The following REDIC1 variants were observed in gnomAD, a reference collection of about 807,000 sequenced individuals.
REDIC1 encodes regulator of DNA class I crossover intermediates 1, also known as HEI10 Interacting Protein 1.
At chr12:39,845,986 T>C in the REDIC1 span, among the ~76,000 whole-genome samples, 2 of 152,152 alleles carry the variant, frequency 1.3e-5, no homozygotes, top group Non-Finnish European at 2.9e-5. Context: ...TACTCCAATT[T>C]GCCTAAAGGG....
chr12:39,750,128 G>T, the REDIC1 span, among the ~76,000 whole-genome samples: 2 of 152,208 alleles, frequency 1.3e-5, no homozygotes, highest in Non-Finnish European at 1.5e-5. Context: ...AAGTCAAATT[G>T]TCCCTGTTTG....
At chr12:39,714,073 G>GTATATATATATATGTACA in the REDIC1 span, among the ~76,000 whole-genome samples, 1 of 147,818 alleles carries the variant, frequency 6.8e-6, no homozygotes, top group Non-Finnish European at 1.5e-5. Flanking sequence ...GTGTATATAC[G>GTATATATATATATGTACA]TGTATATACA....
At chr12:39,741,278 A>T in the REDIC1 span, among the ~76,000 whole-genome samples, 1 of 152,208 alleles carries the variant, frequency 6.6e-6, no homozygotes, top group African/African-American at 2.4e-5. Context: ...CAAACTGGAC[A>T]TGGGTCAGTT....
chr12:39,683,572 G>A, the REDIC1 span: 30 of 1,100,958 alleles, frequency 2.7e-5, no homozygotes, highest in African/African-American at 1.1e-4. Flanking sequence ...TGAGGTAGGC[G>A]TATTGCCATT....
At chr12:39,737,679 C>A in the REDIC1 span, among the ~76,000 whole-genome samples, 1 of 152,186 alleles carries the variant, frequency 6.6e-6, no homozygotes, top group Non-Finnish European at 1.5e-5. Flanking sequence ...ATAGTGGAGA[C>A]AGTATTTCAA....
chr12:39,733,098 T>TACAC, the REDIC1 span, among the ~76,000 whole-genome samples: 1 of 104,638 alleles, frequency 9.6e-6, no homozygotes, highest in African/African-American at 3.9e-5. Context: ...CACACACACT[T>TACAC]ATTTAAAGAT....
chr12:39,889,228 A>G, the REDIC1 span, among the ~76,000 whole-genome samples: 1 of 152,150 alleles, frequency 6.6e-6, no homozygotes, highest in Non-Finnish European at 1.5e-5. Flanking sequence ...CTATTTATAT[A>G]TCACCATCAG....
At chr12:39,701,642 T>C in the REDIC1 span, among the ~76,000 whole-genome samples, 1 of 152,160 alleles carries the variant, frequency 6.6e-6, no homozygotes, top group Non-Finnish European at 1.5e-5. Context: ...ATACATTTTT[T>C]TCAGCACCAC....
At chr12:39,746,717 C>G in the REDIC1 span, among the ~76,000 whole-genome samples, 2 of 152,226 alleles carry the variant, frequency 1.3e-5, no homozygotes, top group African/African-American at 4.8e-5. Flanking sequence ...GGGTGCCCCC[C>G]TGAGACGAAG....
At chr12:39,897,546 G>A in the REDIC1 span, among the ~76,000 whole-genome samples, 7 of 152,152 alleles carry the variant, frequency 4.6e-5, no homozygotes, top group Non-Finnish European at 7.4e-5. Context: ...CCTGTGTGGG[G>A]ATGGAAATGT....
the REDIC1 span, among the ~76,000 whole-genome samples, chr12:39,844,100 T>A: frequency 2.6e-5 from 4 of 152,182 alleles, no homozygotes; most frequent in African/African-American, 9.6e-5. Context: ...TTACTTTCTC[T>A]CTTCATATTT....
At chr12:39,700,023 G>T in the REDIC1 span, among the ~76,000 whole-genome samples, 57 of 152,286 alleles carry the variant, frequency 3.7e-4, no homozygotes, top group South Asian at 2.9e-3. Flanking sequence ...ACTCTAAAAA[G>T]CAGAGCGCCT....
the REDIC1 span, among the ~76,000 whole-genome samples, chr12:39,711,281 T>C: frequency 1.3e-5 from 2 of 149,172 alleles, no homozygotes. Flanking sequence ...ATATATCACA[T>C]ATATAGTGTA....
At chr12:39,827,549 A>T in the REDIC1 span, among the ~76,000 whole-genome samples, 2 of 151,886 alleles carry the variant, frequency 1.3e-5, no homozygotes, top group Admixed American at 6.6e-5. Flanking sequence ...ACGCTTGGGG[A>T]TTTCTTTCAA....
the REDIC1 span, among the ~76,000 whole-genome samples, chr12:39,876,621 C>A: frequency 1.3e-5 from 2 of 152,088 alleles, no homozygotes; most frequent in South Asian, 4.2e-4. Context: ...TATATGAAAA[C>A]CTTAGTGACA....
At chr12:39,782,390 C>T in the REDIC1 span, among the ~76,000 whole-genome samples, 3 of 152,102 alleles carry the variant, frequency 2.0e-5, no homozygotes, top group East Asian at 1.9e-4. Context: ...GTAAGTGTCA[C>T]GAAATCTGAT....
chr12:39,856,989 AT>A, the REDIC1 span, among the ~76,000 whole-genome samples: 2 of 152,106 alleles, frequency 1.3e-5, no homozygotes, highest in South Asian at 4.1e-4. Context: ...TGGATAGTTT[AT>A]TTCATTTGTT....
At chr12:39,901,197 G>T in the REDIC1 span, among the ~76,000 whole-genome samples, 2 of 152,040 alleles carry the variant, frequency 1.3e-5, no homozygotes, top group African/African-American at 4.8e-5. Flanking sequence ...AATTCAAGAT[G>T]GATTAAAGAC....
chr12:39,873,332 G>A, the REDIC1 span, among the ~76,000 whole-genome samples: 5 of 152,172 alleles, frequency 3.3e-5, no homozygotes, highest in African/African-American at 1.2e-4. Context: ...CAGTCAGAGT[G>A]TAAAGTGATG....
Sources: gnomAD v4.1 joint callset for allele counts (sites outside exome capture counted in the v4.1 genomes callset) on GRCh38, gnomAD v4.1.1 for gene constraint, MANE v1.5 for transcripts, NCBI Gene and HGNC (gene_info 2026-07-23, HGNC 2026-07-21) for gene names.